The following DACH2 variants were observed in gnomAD, a reference collection of about 807,000 sequenced individuals.
The protein encoded by DACH2 is dachshund family transcription factor 2.
Under a neutral mutation model 35.8 loss-of-function variants are expected in DACH2, and 17 were observed. The ratio of observed to expected loss-of-function variants is 0.48; its 90% confidence interval spans 0.33 to 0.71. DACH2 has a LOEUF of 0.71. Ranked by LOEUF, DACH2 falls within the 30% of genes least tolerant of loss-of-function variation. The pLI, the probability that DACH2 is intolerant of heterozygous loss-of-function variation, is 0.02. For synonymous variants in DACH2, 195 were observed against 177.3 expected (o/e 1.10, Z -0.79); for missense variants, 469 against 472.7 (o/e 0.99, Z 0.07).
intron 1 of DACH2, among the ~76,000 whole-genome samples, chrX:86,196,819 C>G (rs1037016386): frequency 9.2e-6 from 1 of 108,928 alleles, no homozygotes; most frequent in African/African-American, 3.4e-5. Context: ...AGAGTACAAC[C>G]AACTTCTAAA....
intron 4 of DACH2, among the ~76,000 whole-genome samples, chrX:86,684,990 A>T (rs769580177): frequency 8.9e-6 from 1 of 112,160 alleles, no homozygotes; most frequent in Admixed American, 9.5e-5. Flanking sequence ...TTTAAAACAT[A>T]TATTCTTAGT....
intron 2 of DACH2, among the ~76,000 whole-genome samples, chrX:86,488,799 G>C (rs748658097): frequency 1.8e-3 from 205 of 111,411 alleles, no homozygotes; most frequent in African/African-American, 6.3e-3. Context: ...TGAGAAGTTA[G>C]CATGGAAATA....
chrX:86,332,460 G>A (rs61549090), intron 1 of DACH2, among the ~76,000 whole-genome samples: 2,149 of 111,291 alleles, frequency 0.019, 47 homozygotes, highest in African/African-American at 0.066. Context: ...ACTGCAGTCC[G>A]GTCTTTACCA....
intron 2 of DACH2, among the ~76,000 whole-genome samples, chrX:86,454,511 T>C (rs1259821445): frequency 8.9e-6 from 1 of 112,332 alleles, no homozygotes; most frequent in Admixed American, 9.5e-5. Context: ...CTGACTGTCT[T>C]ATTTCAGAAA....
rs775745231 is a variant in DACH2, at chrX:86,400,787, C to T, written c.527+23925C>T. Among the ~76,000 whole-genome samples, 20 of 111,827 alleles carry T rather than the reference C, an allele frequency of 1.8e-4. 1 individual carries two copies. On this transcript the variant is annotated intron_variant, in intron 2 of 11. Transcript: ENST00000373125. The stretch of plus-strand genomic sequence containing the variant: ...TGCCGTGTGAGGTGTCAGTCTGCCC[C>T]TACTGGGGGGTGCCTCCTAGTTAGG...
At chrX:86,670,028 C>G (rs190055709) in intron 4 of DACH2, among the ~76,000 whole-genome samples, 1 of 110,755 alleles carries the variant, frequency 9.0e-6, no homozygotes, top group East Asian at 2.8e-4. Context: ...TAGTGATAAA[C>G]GCTAATAAAA....
At chrX:86,340,358 C>G (rs189021054) in intron 1 of DACH2, among the ~76,000 whole-genome samples, 1 of 111,513 alleles carries the variant, frequency 9.0e-6, no homozygotes, top group Admixed American at 9.6e-5. Context: ...GATCTATGGT[C>G]AGTGATCTTT....
At chrX:86,341,013 G>A (rs1454356457) in intron 1 of DACH2, among the ~76,000 whole-genome samples, 5 of 112,293 alleles carry the variant, frequency 4.5e-5, no homozygotes, top group African/African-American at 1.6e-4. Context: ...AAAGTGTGAG[G>A]TGAAGCAGCA....
chrX:86,210,024 C>T (rs764180847), intron 1 of DACH2, among the ~76,000 whole-genome samples: 9 of 111,031 alleles, frequency 8.1e-5, no homozygotes, highest in Admixed American at 1.9e-4. Context: ...GATGGCGTAA[C>T]GAAATAAGTT....
intron 7 of DACH2, among the ~76,000 whole-genome samples, chrX:86,778,159 T>C (rs1464888176): frequency 9.0e-6 from 1 of 111,623 alleles, no homozygotes; most frequent in Non-Finnish European, 1.9e-5. Flanking sequence ...ATACCCAGTA[T>C]TGGTATAGCT....
At chrX:86,273,080 C>A (rs1320867933) in intron 1 of DACH2, among the ~76,000 whole-genome samples, 3 of 111,666 alleles carry the variant, frequency 2.7e-5, no homozygotes, top group Non-Finnish European at 5.7e-5. Flanking sequence ...ATAGACAAAC[C>A]AATTATATGA....
chrX:86,235,120 A>AT (rs1187335995), intron 1 of DACH2, among the ~76,000 whole-genome samples: 5 of 110,890 alleles, frequency 4.5e-5, no homozygotes, highest in Admixed American at 9.7e-5. Context: ...CTGGTCAGGT[A>AT]TTTTTTAGAA....
At chrX:86,782,186 G>A (rs1569481679) in intron 7 of DACH2, among the ~76,000 whole-genome samples, 2 of 111,520 alleles carry the variant, frequency 1.8e-5, no homozygotes, top group African/African-American at 6.5e-5. Context: ...GAAAATTTAA[G>A]AGGACACTAA....
At chrX:86,611,681 T>C (rs1352865047) in intron 3 of DACH2, among the ~76,000 whole-genome samples, 1 of 111,110 alleles carries the variant, frequency 9.0e-6, no homozygotes, top group South Asian at 3.8e-4. Context: ...CCGGTTTTCC[T>C]TACCGCTGTG....
chrX:86,473,774 G>A (rs1299574518), intron 2 of DACH2, among the ~76,000 whole-genome samples: 3 of 111,063 alleles, frequency 2.7e-5, no homozygotes, highest in Non-Finnish European at 5.7e-5. Context: ...TCATCTTCAT[G>A]GACACTTACG....
intron 1 of DACH2, among the ~76,000 whole-genome samples, chrX:86,295,469 C>A (rs1200703793): frequency 9.0e-6 from 1 of 111,671 alleles, no homozygotes; most frequent in Non-Finnish European, 1.9e-5. Flanking sequence ...CTCTCTGGGC[C>A]CAGTTTAACA....
At position 86,324,211 on chromosome X, in the gene DACH2, A is replaced by G. The variant is rs150993943; in HGVS notation, c.489-52613A>G. 4.4e-4 allele frequency among the ~76,000 whole-genome samples: 49 copies of G among 111,980 alleles called. 1 individual carries two copies. The East Asian group carries it at 0.01, about 24-fold the overall frequency. On this transcript the variant is annotated intron_variant, in intron 1 of 11. Transcript: ENST00000373125. The stretch of plus-strand genomic sequence containing the variant: ...TCCAAATAATTTCTTTCTATCTCCT[A>G]TAACAGTAGAAAGAGCAAGAGAACT...
intron 2 of DACH2, among the ~76,000 whole-genome samples, chrX:86,477,159 A>G (rs1365237160): frequency 9.2e-6 from 1 of 109,100 alleles, no homozygotes; most frequent in Non-Finnish European, 1.9e-5. Context: ...GATTAGGTTT[A>G]TTTGGTCTAT....
chrX:86,391,007 G>C (rs1019656675), intron 2 of DACH2, among the ~76,000 whole-genome samples: 1 of 109,927 alleles, frequency 9.1e-6, no homozygotes. Flanking sequence ...TTGGCCCGGT[G>C]CAGTGGCTCA....
Sources: gnomAD v4.1 joint callset for allele counts (sites outside exome capture counted in the v4.1 genomes callset) on GRCh38, gnomAD v4.1.1 for gene constraint, MANE v1.5 for transcripts, NCBI Gene and HGNC (gene_info 2026-07-23, HGNC 2026-07-21) for gene names.